The following SIK2 variants were observed in gnomAD, a reference collection of about 807,000 sequenced individuals.
SIK2 encodes salt inducible kinase 2.
SIK2 carries 29 observed loss-of-function variants against 103.2 expected under a neutral mutation model. The ratio of observed to expected loss-of-function variants is 0.28; its 90% confidence interval spans 0.21 to 0.38. The LOEUF (loss-of-function observed/expected upper bound fraction) is 0.38, where lower values mean the gene tolerates loss of function less well. SIK2 is among the 10% of genes least tolerant of loss of function. The pLI, the probability that SIK2 is intolerant of heterozygous loss-of-function variation, is 1.00. For missense variants in SIK2, 879 were observed against 1,171.0 expected, an observed-to-expected ratio of 0.75 and a Z score of 3.64; for synonymous variants, 412 against 446.1, an observed-to-expected ratio of 0.92 and a Z score of 0.96.
intron 1 of SIK2, among the ~76,000 whole-genome samples, chr11:111,615,302 A>AC (rs1383917266): frequency 6.6e-6 from 1 of 151,498 alleles, no homozygotes; most frequent in Non-Finnish European, 1.5e-5. Flanking sequence ...AAAAAAAAAA[A>AC]AAGAAGAAAA....
At chr11:111,630,195 T>A (rs527345366) in intron 3 of SIK2, among the ~76,000 whole-genome samples, 1 of 152,256 alleles carries the variant, frequency 6.6e-6, no homozygotes, top group Non-Finnish European at 1.5e-5. Flanking sequence ...TACAGACATG[T>A]GCTAAGTAAA....
rs1027180657 is a variant in SIK2 at position 111,728,495 on chromosome 11, T to C, written c.*4366T>C. 1 of 152,122 alleles carries C rather than the reference T, an allele frequency of 6.6e-6. No homozygotes were observed. Among genetic ancestry groups the C allele is most frequent in the Non-Finnish European group, 1.5e-5 (1 of 68,064 alleles). The allele number at this position is 152,122 out of a possible 1,614,324, so 9.4% of individuals were successfully genotyped here. A position where few individuals can be genotyped will look rare whatever the true frequency, so the allele number is the denominator to read the frequency against. On this transcript the variant is annotated 3_prime_UTR_variant, in exon 15 of 15. Transcript: ENST00000304987. ...GTAGAGATGGGGTTTCACCATGTTG[T>C]CCAGGCTGATCTTGAACTCCTGACC...
chr11:111,641,258 A>G (rs1274323904), intron 3 of SIK2, among the ~76,000 whole-genome samples: 1 of 152,206 alleles, frequency 6.6e-6, no homozygotes, highest in African/African-American at 2.4e-5. Flanking sequence ...CTCTAGGCAG[A>G]TGAACCTCAA....
At chr11:111,655,360 C>T (rs1275066178) in intron 3 of SIK2, among the ~76,000 whole-genome samples, 1 of 152,134 alleles carries the variant, frequency 6.6e-6, no homozygotes, top group African/African-American at 2.4e-5. Flanking sequence ...GCCAAGATTG[C>T]GCCACTGCAC....
chr11:111,616,710 G>T (rs574585125), intron 2 of SIK2, among the ~76,000 whole-genome samples: 1 of 152,156 alleles, frequency 6.6e-6, no homozygotes, highest in East Asian at 1.9e-4. Flanking sequence ...GCCTGGTGTG[G>T]TGGTGCACAT....
intron 3 of SIK2, among the ~76,000 whole-genome samples, chr11:111,642,842 A>G (rs910485749): frequency 7.9e-5 from 12 of 152,224 alleles, no homozygotes; most frequent in Non-Finnish European, 1.5e-4. Context: ...TACAAGTAAC[A>G]AAAGATATTC....
chr11:111,646,899 A>G (rs537718214), intron 3 of SIK2, among the ~76,000 whole-genome samples: 1 of 152,322 alleles, frequency 6.6e-6, no homozygotes, highest in South Asian at 2.1e-4. Context: ...GTTTCTGGCT[A>G]TTACAAATAA....
intron 3 of SIK2, among the ~76,000 whole-genome samples, chr11:111,645,829 AACT>A (rs1942248313): frequency 6.6e-6 from 1 of 151,828 alleles, no homozygotes; most frequent in African/African-American, 2.4e-5. Flanking sequence ...ACAAAGAAGC[AACT>A]ACCATAAAAT....
rs945818412 is a variant in SIK2 at position 111,688,547 on chromosome 11, C to T, written c.478+385C>T. Among the ~76,000 whole-genome samples, 6 of 152,124 alleles carry T rather than the reference C, an allele frequency of 3.9e-5. No homozygotes were observed. The highest frequency in any genetic ancestry group is 5.9e-5 in the Non-Finnish European group (4 of 68,026). ...TATGACTGATGGCTACAGCCAGAAG[C>T]AGAGAAAAGGCAAAAGAAGTGATGG... On this transcript the variant is annotated intron_variant, in intron 4 of 14. Coordinates refer to ENST00000304987, the MANE Select transcript of SIK2 (RefSeq NM_015191.3). The surrounding 1 kb of genome is among the most constrained non-coding windows in gnomAD (Gnocchi z 4.2).
intron 4 of SIK2, among the ~76,000 whole-genome samples, chr11:111,692,208 A>G (rs1942957292): frequency 1.3e-5 from 2 of 151,864 alleles, no homozygotes; most frequent in Non-Finnish European, 2.9e-5. Context: ...AAAATTAGCC[A>G]GGAATGGCAG....
intron 3 of SIK2, among the ~76,000 whole-genome samples, chr11:111,684,274 T>A (rs1181944582): frequency 6.6e-6 from 1 of 152,198 alleles, no homozygotes; most frequent in Non-Finnish European, 1.5e-5. Flanking sequence ...TAACTATAGA[T>A]TCCATTGTGC....
chr11:111,613,868 A>C (rs1565307662), intron 1 of SIK2, among the ~76,000 whole-genome samples: 1 of 152,150 alleles, frequency 6.6e-6, no homozygotes, highest in Non-Finnish European at 1.5e-5. Context: ...TTCTACAATT[A>C]ATTCAAATCA....
chr11:111,646,509 C>T (rs1399164393), intron 3 of SIK2, among the ~76,000 whole-genome samples: 1 of 152,090 alleles, frequency 6.6e-6, no homozygotes, highest in Non-Finnish European at 1.5e-5. Context: ...TATGTATTAA[C>T]CCATGAAGCC....
chr11:111,727,094 G>T lies in SIK2; in HGVS notation c.*2965G>T. The T allele has an allele frequency of 6.3e-7, 1 of 1,579,250 alleles. No homozygotes were observed. Among genetic ancestry groups the T allele is most frequent in the Non-Finnish European group, 8.7e-7 (1 of 1,149,410 alleles). On this transcript the variant is annotated 3_prime_UTR_variant, in exon 15 of 15. Coordinates refer to ENST00000304987, the MANE Select transcript of SIK2 (RefSeq NM_015191.3). ...ACAGCATGTTAGCCCGACAGGAAGA[G>T]GGGGCCCACTTTCACATTCCCGGTG...
intron 9 of SIK2, among the ~76,000 whole-genome samples, chr11:111,713,981 T>C (rs1269566436): frequency 6.6e-6 from 1 of 151,700 alleles, no homozygotes; most frequent in East Asian, 1.9e-4. Flanking sequence ...AAAAAATAAA[T>C]AAAATATGAT....
chr11:111,727,535 CT>C lies in SIK2; in HGVS notation c.*3407del, dbSNP rs1050725892. Reference sequence around the variant, plus strand: ...GATGGGGAGCAAGGGGGGACCCCCCCTGTAGGAGTATCGGCCTCTCCCCTGC... The same window carrying C: ...GATGGGGAGCAAGGGGGGACCCCCCCGTAGGAGTATCGGCCTCTCCCCTGC... On this transcript the variant is annotated 3_prime_UTR_variant, in exon 15 of 15. Coordinates refer to ENST00000304987, the MANE Select transcript of SIK2 (RefSeq NM_015191.3). 1.9e-4 allele frequency: 32 copies of C among 167,412 alleles called. No individual in the cohort carries two copies. The highest frequency in any genetic ancestry group is 9.6e-4 in the East Asian group (6 of 6,222). The allele number at this position is 167,412 out of a possible 1,614,324, so 10.4% of individuals were successfully genotyped here.
rs893460272 is a variant in SIK2, at chr11:111,666,857, A to G, written c.317-21144A>G. 1.7e-4 allele frequency among the ~76,000 whole-genome samples: 26 copies of G among 152,294 alleles called. 1 individual carries two copies. Among genetic ancestry groups the G allele is most frequent in the African/African-American group, 5.8e-4 (24 of 41,588 alleles). Reference sequence around the variant, plus strand: ...GCAGAGAGCAGAAAATTATATGAAAATAGAATTTTTTGCAGATAAATAGTC... The same window carrying G: ...GCAGAGAGCAGAAAATTATATGAAAGTAGAATTTTTTGCAGATAAATAGTC... On this transcript the variant is annotated intron_variant, in intron 3 of 14. Coordinates refer to ENST00000304987, the MANE Select transcript of SIK2 (RefSeq NM_015191.3).
rs777736943 is a variant in SIK2 at position 111,723,476 on chromosome 11, C to T, written c.2148-20C>T. The T allele has an allele frequency of 2.6e-6, 4 of 1,567,838 alleles. No homozygotes were observed. In the South Asian group the frequency reaches 4.7e-5, roughly 19 times the overall value. ...ACTTGAGAAGATTTAAAATTCTTTC[C>T]TTTGATATTACCAATTTAGGCTCCA... On this transcript the variant is annotated intron_variant, in intron 14 of 14. Transcript: ENST00000304987.
chr11:111,659,182 CTCTTA>C (rs1250676749), intron 3 of SIK2, among the ~76,000 whole-genome samples: 4 of 152,012 alleles, frequency 2.6e-5, no homozygotes, highest in African/African-American at 9.7e-5. Flanking sequence ...ATTCTTTAGT[CTCTTA>C]TCTGTTATTG....
Sources: allele counts gnomAD v4.1 joint callset (sites outside exome capture counted in the v4.1 genomes callset), GRCh38; gene constraint gnomAD v4.1.1; non-coding constraint Gnocchi (gnomAD v3.1); transcripts MANE v1.5; gene names NCBI Gene and HGNC (gene_info 2026-07-23, HGNC 2026-07-21).